SRC: variants seen among roughly 807,000 people sequenced by gnomAD.
The protein encoded by SRC is SRC proto-oncogene, non-receptor tyrosine kinase.
In SRC, 13 loss-of-function variants were observed where a neutral mutation model predicts 62.9. The ratio of observed to expected loss-of-function variants is 0.21; its 90% CI spans 0.13 to 0.33. SRC has a LOEUF of 0.33. Ranked by LOEUF, SRC falls within the 10% of genes least tolerant of loss-of-function variation. SRC has a pLI of 1.00. For missense variants in SRC, 457 were observed against 737.3 expected (o/e 0.62, Z 4.40); for synonymous variants, 302 against 317.5 (o/e 0.95, Z 0.52).
rs150393810 is a variant in SRC at position 37,396,274 on chromosome 20, G to A, written c.666G>A (p.Gln222=). The change falls in exon 8 of 14, where the codon CAG becomes CAA. Residue 222 remains glutamine (Q), a synonymous_variant. Coordinates refer to ENST00000373578, the MANE Select transcript of SRC (RefSeq NM_198291.3). This position sits in a 1 kb window ranked among gnomAD's most constrained non-coding sequence, Gnocchi z 6.1. ...SGGFYITSRT[Q]FNSLQQLVAY... is the part of the protein sequence containing the mutation. ...GCTTCTACATCACCTCCCGCACCCA[G>A]TTCAACAGCCTGCAGCAGCTGGTGG... 2.1e-4 allele frequency: 344 copies of A among 1,613,810 alleles called. 1 individual carries two copies. The highest frequency in any genetic ancestry group is 5.5e-4 in the Admixed American group (33 of 60,022).
At chr20:37,348,919 C>T (rs915327258) in intron 1 of SRC, among the ~76,000 whole-genome samples, 2 of 152,184 alleles carry the variant, frequency 1.3e-5, no homozygotes, top group African/African-American at 4.8e-5. Context: ...GAGGTATGTG[C>T]CAAGACGTGC....
rs902674975 is a variant in SRC at position 37,403,853 on chromosome 20, A to G, written c.*474A>G. 13 of 257,626 alleles carry G rather than the reference A, an allele frequency of 5.0e-5. No individual in the cohort carries two copies. Among genetic ancestry groups the G allele is most frequent in the Admixed American group, 9.5e-5 (2 of 20,958 alleles). The allele number at this position is 257,626 out of a possible 1,614,324, so 16.0% of individuals were successfully genotyped here. A position where few individuals can be genotyped will look rare whatever the true frequency, so the allele number is the denominator to read the frequency against. On this transcript the variant is annotated 3_prime_UTR_variant, in exon 14 of 14. Coordinates refer to ENST00000373578, the MANE Select transcript of SRC (RefSeq NM_198291.3). The surrounding 1 kb of genome is among the most constrained non-coding windows in gnomAD (Gnocchi z 7.1). ...CCTGCCTGCCACCCTGCCCCTTGCC[A>G]TCCATTCTGGAAACACCTGTAGGCA...
intron 2 of SRC, among the ~76,000 whole-genome samples, chr20:37,372,198 G>A (rs1046089413): frequency 1.3e-5 from 2 of 151,992 alleles, no homozygotes; most frequent in African/African-American, 4.8e-5. Flanking sequence ...TTTAGAGATG[G>A]GGATTTCACC....
intron 1 of SRC, among the ~76,000 whole-genome samples, chr20:37,350,681 T>G (rs1279744145): frequency 6.6e-6 from 1 of 152,218 alleles, no homozygotes; most frequent in Non-Finnish European, 1.5e-5. Flanking sequence ...TACTGGGTGC[T>G]TAGAAAATTT....
chr20:37,402,659 T>G lies in SRC; in HGVS notation c.1270+71T>G. On this transcript the variant is annotated intron_variant, in intron 12 of 13. Coordinates refer to ENST00000373578, the MANE Select transcript of SRC (RefSeq NM_198291.3). This position sits in a 1 kb window ranked among gnomAD's most constrained non-coding sequence, Gnocchi z 6.2. ...CACGTCCCGCTCTGAGCCCCAGTTT[T>G]TTCCTCAGCTGTCATTCCTCATGGT... 9 of 1,570,594 alleles carry G rather than the reference T, an allele frequency of 5.7e-6. No individual in the cohort carries two copies. Among genetic ancestry groups the G allele is most frequent in the Non-Finnish European group, 7.8e-6 (9 of 1,155,586 alleles).
rs916195516 is a variant in SRC at position 37,403,091 on chromosome 20, C to T, written c.1403-80C>T. The T allele has an allele frequency of 1.8e-5, 25 of 1,424,840 alleles. 1 individual carries two copies. The South Asian group carries it at 3.3e-4, about 19-fold the overall frequency. 88.3% of individuals were successfully genotyped at this position (1,424,840 alleles called of 1,614,324 possible). A position where few individuals can be genotyped will look rare whatever the true frequency, so the allele number is the denominator to read the frequency against. On this transcript the variant is annotated intron_variant, in intron 13 of 13. Coordinates refer to ENST00000373578, the MANE Select transcript of SRC (RefSeq NM_198291.3). The surrounding 1 kb of genome is among the most constrained non-coding windows in gnomAD (Gnocchi z 7.1). ...CCCAACCTGTCCTAGGCAGGAAGCC[C>T]TCGCTGCCCTCCCCATCAGCTTCCC...
At position 37,400,179 on chromosome 20, in the gene SRC, G is replaced by A. The variant is rs1336588310; in HGVS notation, c.924G>A (p.Glu308=). Residue 308 remains glutamate (E), a synonymous_variant, in exon 10 of 14, where the codon GAG becomes GAA. Coordinates refer to ENST00000373578, the MANE Select transcript of SRC (RefSeq NM_198291.3). ...KTLKPGTMSP[E]AFLQEAQVMK... ...TGAAGCCTGGCACGATGTCTCCAGAGGCCTTCCTGCAGGAGGCCCAGGTCA... is the reference window on the plus strand; with the variant it reads ...TGAAGCCTGGCACGATGTCTCCAGAAGCCTTCCTGCAGGAGGCCCAGGTCA... 1 of 1,613,878 alleles carries A rather than the reference G, an allele frequency of 6.2e-7. No individual in the cohort carries two copies. Among genetic ancestry groups the A allele is most frequent in the African/African-American group, 1.3e-5 (1 of 74,926 alleles).
Position 37,398,053 on chromosome 20 carries a change from A to G in SRC, c.859+199A>G, listed in dbSNP as rs190722099. Among the ~76,000 whole-genome samples, 33 of 152,264 alleles carry G rather than the reference A, an allele frequency of 2.2e-4. No homozygotes were observed. The highest frequency in any genetic ancestry group is 7.9e-4 in the African/African-American group (33 of 41,548). On this transcript the variant is annotated intron_variant, in intron 9 of 13. Transcript: ENST00000373578. The surrounding 1 kb of genome is among the most constrained non-coding windows in gnomAD (Gnocchi z 5.2). ...CACTGTGCCCCGGACCGTGCAAACC[A>G]TAGTGCCTGATTCCAAGATCCGCAC...
chr20:37,373,031 T>C (rs1471717108), intron 2 of SRC, among the ~76,000 whole-genome samples: 1 of 151,874 alleles, frequency 6.6e-6, no homozygotes, highest in Non-Finnish European at 1.5e-5. Context: ...TATACACATA[T>C]ATACACATAT....
intron 2 of SRC, among the ~76,000 whole-genome samples, chr20:37,377,410 A>G (rs2070294718): frequency 6.6e-6 from 1 of 152,186 alleles, no homozygotes; most frequent in South Asian, 2.1e-4. Context: ...CTCAGCTCCT[A>G]AGCTCCTGGC....
Position 37,353,241 on chromosome 20 carries a change from C to T in SRC, c.-247+6986C>T, listed in dbSNP as rs372450575. The stretch of plus-strand genomic sequence containing the variant: ...CCTCAAATCAGGGTCATGCCAGGTG[C>T]TCTCTCTGCTTGGGCAAATGGAACT... On this transcript the variant is annotated intron_variant, in intron 1 of 13. Coordinates refer to ENST00000373578, the MANE Select transcript of SRC (RefSeq NM_198291.3). Among the ~76,000 whole-genome samples, 82 of 152,214 alleles carry T rather than the reference C, an allele frequency of 5.4e-4. 1 individual carries two copies. The highest frequency in any genetic ancestry group is 1.9e-3 in the African/African-American group (80 of 41,532).
At chr20:37,373,342 A>G (rs1428102988) in intron 2 of SRC, among the ~76,000 whole-genome samples, 1 of 151,992 alleles carries the variant, frequency 6.6e-6, no homozygotes, top group African/African-American at 2.4e-5. Context: ...ACATGTACAC[A>G]CACATATGTA....
Position 37,382,720 on chromosome 20 carries a change from C to T in SRC, c.-71C>T, listed in dbSNP as rs1487797574. 1 of 152,222 alleles carries T rather than the reference C, an allele frequency of 6.6e-6. No individual in the cohort carries two copies. The highest frequency in any genetic ancestry group is 1.9e-4 in the East Asian group (1 of 5,198). The allele number at this position is 152,222 out of a possible 1,614,324, so 9.4% of individuals were successfully genotyped here. ...TATTTCGAGACCCCTGACTCCACACCTGGTGTTTGTGCCAAGACCCCAGGC... is the reference window on the plus strand; with the variant it reads ...TATTTCGAGACCCCTGACTCCACACTTGGTGTTTGTGCCAAGACCCCAGGC... On this transcript the variant is annotated 5_prime_UTR_variant, in exon 3 of 14. Transcript: ENST00000373578.
chr20:37,393,523 C>G (rs1601009810), intron 5 of SRC, among the ~76,000 whole-genome samples: 1 of 152,134 alleles, frequency 6.6e-6, no homozygotes, highest in East Asian at 1.9e-4. Context: ...CAGGGGGTTC[C>G]CTCCCTCCCT....
At position 37,396,885 on chromosome 20, in the gene SRC, A is replaced by AT. The variant is rs2070661876; in HGVS notation, c.703+575dup. On this transcript the variant is annotated intron_variant, in intron 8 of 13. Coordinates refer to ENST00000373578, the MANE Select transcript of SRC (RefSeq NM_198291.3). The surrounding 1 kb of genome is among the most constrained non-coding windows in gnomAD (Gnocchi z 6.1). Reference sequence around the variant, plus strand: ...GTGTGCCCGTGTGTCTGTGGCACACATGGCCTCTGTGCACAGGTGTTGGTC... The same window carrying AT: ...GTGTGCCCGTGTGTCTGTGGCACACATTGGCCTCTGTGCACAGGTGTTGGTC... 6.4e-6 allele frequency: 1 copy of AT among 157,388 alleles called. No individual in the cohort carries two copies. Among genetic ancestry groups the AT allele is most frequent in the African/African-American group, 2.4e-5 (1 of 41,430 alleles). 9.7% of individuals were successfully genotyped at this position (157,388 alleles called of 1,614,324 possible). A position where few individuals can be genotyped will look rare whatever the true frequency, so the allele number is the denominator to read the frequency against.
chr20:37,393,409 G>A (rs2070585584), intron 5 of SRC, among the ~76,000 whole-genome samples: 1 of 152,216 alleles, frequency 6.6e-6, no homozygotes, highest in African/African-American at 2.4e-5. Flanking sequence ...CAGCTCCCAG[G>A]AGCGGGCTTC....
intron 1 of SRC, among the ~76,000 whole-genome samples, chr20:37,364,759 C>T (rs1455722355): frequency 7.9e-5 from 12 of 152,200 alleles, no homozygotes; most frequent in South Asian, 2.1e-4. Flanking sequence ...TTTCCCACTA[C>T]GGCATCTGGG....
chr20:37,354,958 G>A (rs2069859712), intron 1 of SRC, among the ~76,000 whole-genome samples: 1 of 152,234 alleles, frequency 6.6e-6, no homozygotes, highest in Admixed American at 6.5e-5. Flanking sequence ...GGGTACGGCT[G>A]TGAGGACGGG....
chr20:37,400,413 A>C, intron 10 of SRC, 119 bp downstream of exon 10: 1 of 887,912 alleles, frequency 1.1e-6, no homozygotes, highest in African/African-American at 1.7e-5. Flanking sequence ...CAGTAGAGCC[A>C]AATTCTCTGT....
Sources: allele counts gnomAD v4.1 joint callset (sites outside exome capture counted in the v4.1 genomes callset), GRCh38; gene constraint gnomAD v4.1.1; non-coding constraint Gnocchi (gnomAD v3.1); transcripts MANE v1.5; gene names NCBI Gene and HGNC (gene_info 2026-07-23, HGNC 2026-07-21).